The following NBEA variants were observed in gnomAD, a reference collection of about 807,000 sequenced individuals.
NBEA encodes the protein lysosomal-trafficking regulator 2.
Under a neutral mutation model 343.4 loss-of-function variants are expected in NBEA, and 44 were observed. The ratio of observed to expected loss-of-function variants is 0.13; its 90% CI spans 0.10 to 0.16. The LOEUF (loss-of-function observed/expected upper bound fraction) is 0.16. Ranked by LOEUF, NBEA falls within the 10% of genes least tolerant of loss-of-function variation. The pLI is 1.00. For synonymous variants in NBEA, 1,175 were observed against 1,238.7 expected, an observed-to-expected ratio of 0.95 and a Z score of 1.08; for missense variants, 2,555 against 3,631.3, an observed-to-expected ratio of 0.70 and a Z score of 7.62.
At chr13:35,414,953 T>C (rs558503558) in intron 38 of NBEA, among the ~76,000 whole-genome samples, 7,011 of 152,270 alleles carry the variant, frequency 0.046, 261 homozygotes, top group Non-Finnish European at 0.073. Flanking sequence ...TATCTCATTG[T>C]GGTTTTGATT....
intron 44 of NBEA, among the ~76,000 whole-genome samples, chr13:35,556,223 AG>A (rs1228634729): frequency 3.3e-5 from 5 of 152,046 alleles, no homozygotes; most frequent in African/African-American, 1.2e-4. Flanking sequence ...CTATTTAATT[AG>A]CACATTATTT....
chr13:35,091,408 G>A (rs2065075677), intron 10 of NBEA, among the ~76,000 whole-genome samples: 1 of 151,934 alleles, frequency 6.6e-6, no homozygotes, highest in African/African-American at 2.4e-5. Context: ...CCTGAGTTGT[G>A]CATACATGGA....
At chr13:35,529,381 A>G (rs1353396301) in intron 41 of NBEA, among the ~76,000 whole-genome samples, 1 of 152,226 alleles carries the variant, frequency 6.6e-6, no homozygotes, top group Non-Finnish European at 1.5e-5. Context: ...CACTTTAAGT[A>G]CACTATGCAC....
intron 49 of NBEA, among the ~76,000 whole-genome samples, chr13:35,634,990 G>C (rs2153069527): frequency 6.7e-6 from 1 of 148,740 alleles, no homozygotes; most frequent in South Asian, 2.1e-4. Context: ...TCAAGAACCA[G>C]AAGATAGATG....
chr13:35,414,381 T>TC (rs1265792559), intron 38 of NBEA, among the ~76,000 whole-genome samples: 2 of 142,096 alleles, frequency 1.4e-5, no homozygotes, highest in Non-Finnish European at 3.1e-5. Flanking sequence ...CCCTCCTCCC[T>TC]CCCCCCACCT....
chr13:35,572,269 C>A (rs771461691), intron 45 of NBEA, among the ~76,000 whole-genome samples: 2 of 152,144 alleles, frequency 1.3e-5, no homozygotes, highest in Admixed American at 1.3e-4. Context: ...TCTTAAATTA[C>A]AGTGGTTACA....
chr13:35,412,574 G>A (rs757262495), intron 38 of NBEA, among the ~76,000 whole-genome samples: 7 of 151,926 alleles, frequency 4.6e-5, no homozygotes, highest in Non-Finnish European at 7.4e-5. Context: ...TGCATACCTC[G>A]TATTTAGTCT....
intron 8 of NBEA, among the ~76,000 whole-genome samples, chr13:35,061,095 T>A (rs1470195548): frequency 6.6e-6 from 1 of 151,682 alleles, no homozygotes; most frequent in East Asian, 1.9e-4. Flanking sequence ...ATAAGTTAAT[T>A]CTACCTTCAA....
chr13:35,011,036 C>T (rs564559124), intron 1 of NBEA, among the ~76,000 whole-genome samples: 2 of 151,316 alleles, frequency 1.3e-5, no homozygotes, highest in Admixed American at 6.6e-5. Context: ...AGGTCAGGAA[C>T]GAGTCTTGTA....
chr13:34,991,650 C>G (rs1422696632), intron 1 of NBEA, among the ~76,000 whole-genome samples: 1 of 152,152 alleles, frequency 6.6e-6, no homozygotes, highest in Non-Finnish European at 1.5e-5. Flanking sequence ...ATATACACTA[C>G]ACAGTACTAT....
intron 33 of NBEA, among the ~76,000 whole-genome samples, chr13:35,219,348 T>C (rs2074237881): frequency 6.6e-6 from 1 of 152,098 alleles, no homozygotes; most frequent in Non-Finnish European, 1.5e-5. Context: ...TTTGTTTCCT[T>C]AGTGCAGTAG....
intron 1 of NBEA, among the ~76,000 whole-genome samples, chr13:34,949,485 T>C (rs1010845147): frequency 6.6e-6 from 1 of 152,208 alleles, no homozygotes; most frequent in African/African-American, 2.4e-5. Flanking sequence ...GTGTAGCTGC[T>C]AGAAGGAAAA....
chr13:35,337,748 A>T (rs1594267977), intron 36 of NBEA, among the ~76,000 whole-genome samples: 1 of 152,100 alleles, frequency 6.6e-6, no homozygotes, highest in East Asian at 1.9e-4. Flanking sequence ...CAGTAAGTTT[A>T]AAAAGGTTGA....
intron 36 of NBEA, among the ~76,000 whole-genome samples, chr13:35,330,672 G>A (rs2152847923): frequency 6.6e-6 from 1 of 152,052 alleles, no homozygotes; most frequent in South Asian, 2.1e-4. Flanking sequence ...TACGTAGTTA[G>A]GTCTGATTGT....
intron 38 of NBEA, among the ~76,000 whole-genome samples, chr13:35,406,297 C>CTTTTT (rs10638454): frequency 6.9e-6 from 1 of 144,132 alleles, no homozygotes; most frequent in Non-Finnish European, 1.5e-5. Context: ...TCAGCCAAAT[C>CTTTTT]TTTTTTTTTT....
chr13:35,158,283 A>G (rs184113138), intron 21 of NBEA, among the ~76,000 whole-genome samples: 113 of 152,278 alleles, frequency 7.4e-4, no homozygotes, highest in African/African-American at 2.5e-3. Context: ...ACATTAATAG[A>G]ACCCATGTCT....
chr13:35,343,437 C>G (rs61949063), intron 36 of NBEA, among the ~76,000 whole-genome samples: 16,931 of 152,078 alleles, frequency 0.11, 1,604 homozygotes, highest in African/African-American at 0.26. Context: ...CAATCATAGA[C>G]AGTACATATT....
chr13:35,316,267 C>A (rs1329481327), intron 36 of NBEA, among the ~76,000 whole-genome samples: 2 of 151,938 alleles, frequency 1.3e-5, no homozygotes, highest in African/African-American at 2.4e-5. Context: ...TAGTCCTCCA[C>A]CCCCCAACAG....
intron 38 of NBEA, among the ~76,000 whole-genome samples, chr13:35,406,290 G>A (rs940617919): frequency 2.7e-4 from 25 of 91,554 alleles, no homozygotes; most frequent in African/African-American, 9.7e-4. Flanking sequence ...ATTGACCTCA[G>A]CCAAATCTTT....
Sources: gnomAD v4.1 joint callset for allele counts (sites outside exome capture counted in the v4.1 genomes callset) on GRCh38, gnomAD v4.1.1 for gene constraint, MANE v1.5 for transcripts, NCBI Gene and HGNC (gene_info 2026-07-23, HGNC 2026-07-21) for gene names.